Variants in FAM110B observed in about 807,000 individuals in gnomAD.
The protein encoded by FAM110B is protein FAM110B.
In FAM110B, 6 loss-of-function variants were observed where a neutral mutation model predicts 20.4. The observed-to-expected ratio is 0.29, with a 90% CI of 0.16 to 0.58. The LOEUF (loss-of-function observed/expected upper bound fraction) is 0.58. Ranked by LOEUF, FAM110B falls within the 20% of genes least tolerant of loss-of-function variation. The probability of loss-of-function intolerance (pLI) is 0.90; values close to 1 mark genes in which losing one functional copy is unlikely to be tolerated. For synonymous variants in FAM110B, 226 were observed against 214.1 expected (o/e 1.06, Z -0.49); for missense variants, 434 against 498.2 (o/e 0.87, Z 1.23).
intron 1 of FAM110B, among the ~76,000 whole-genome samples, chr8:58,028,081 G>A (rs559425860): frequency 9.9e-5 from 15 of 152,166 alleles, no homozygotes; most frequent in Non-Finnish European, 1.9e-4. Flanking sequence ...GGAGAACCAA[G>A]TTGTTTCATA....
intron 1 of FAM110B, among the ~76,000 whole-genome samples, chr8:58,001,214 T>C (rs1804287936): frequency 6.6e-6 from 1 of 152,236 alleles, no homozygotes; most frequent in Non-Finnish European, 1.5e-5. Flanking sequence ...TGGAGAGTAG[T>C]ACAGTCATAT....
At chr8:58,052,535 G>A (rs1424512324) in intron 2 of FAM110B, among the ~76,000 whole-genome samples, 1 of 152,048 alleles carries the variant, frequency 6.6e-6, no homozygotes, top group Non-Finnish European at 1.5e-5. Context: ...TTCTGTCCTT[G>A]TGAGGCTTAT....
At chr8:58,040,079 T>C (rs770621700) in intron 2 of FAM110B, among the ~76,000 whole-genome samples, 2 of 152,212 alleles carry the variant, frequency 1.3e-5, no homozygotes, top group Non-Finnish European at 1.5e-5. Context: ...CTTGAACTCC[T>C]GACCTCAGGC....
In FAM110B at chr8:58,004,787, C is replaced by A. The variant is rs527459686; in HGVS notation, c.-512+9981C>A. On this transcript the variant is annotated intron_variant, in intron 1 of 3. Transcript: ENST00000519262. ...TCATGAACCAACGTCTGCTAGCTTT[C>A]AATTATTCCTTTGCAGCTCTGTCAT... 7.2e-5 allele frequency among the ~76,000 whole-genome samples: 11 copies of A among 152,278 alleles called. No individual in the cohort carries two copies. The East Asian group carries it at 2.1e-3, about 29-fold the overall frequency.
intron 3 of FAM110B, among the ~76,000 whole-genome samples, chr8:58,133,205 G>GTT (rs59489059): frequency 0.017 from 2,403 of 140,050 alleles, 59 homozygotes; most frequent in African/African-American, 0.054. Context: ...GCTCGATTTT[G>GTT]TTTTTTTTTT....
intron 2 of FAM110B, among the ~76,000 whole-genome samples, chr8:58,047,480 A>G (rs1303323433): frequency 6.6e-6 from 1 of 152,080 alleles, no homozygotes; most frequent in Non-Finnish European, 1.5e-5. Context: ...GCACCATCAC[A>G]GTCTCCAACC....
intron 2 of FAM110B, among the ~76,000 whole-genome samples, chr8:58,059,234 T>C (rs1309453498): frequency 6.6e-6 from 1 of 152,204 alleles, no homozygotes; most frequent in Non-Finnish European, 1.5e-5. Flanking sequence ...TTGAATAAAG[T>C]TGCTGTAAAT....
chr8:58,008,784 A>G (rs1804466982), intron 1 of FAM110B, among the ~76,000 whole-genome samples: 1 of 152,160 alleles, frequency 6.6e-6, no homozygotes, highest in African/African-American at 2.4e-5. Flanking sequence ...TGAGTGGGAG[A>G]GGCCTCCACA....
intron 1 of FAM110B, among the ~76,000 whole-genome samples, chr8:58,030,855 C>G (rs962304248): frequency 8.5e-5 from 13 of 152,190 alleles, no homozygotes; most frequent in Non-Finnish European, 1.6e-4. Flanking sequence ...CCATCACTTT[C>G]ATGACTCGTC....
chr8:58,118,141 A>G (rs937092494), intron 3 of FAM110B, among the ~76,000 whole-genome samples: 3 of 152,230 alleles, frequency 2.0e-5, no homozygotes, highest in African/African-American at 7.2e-5. Context: ...CTTTATTGAT[A>G]ATAATGCTAT....
chr8:57,999,821 G>T (rs559386018), intron 1 of FAM110B, among the ~76,000 whole-genome samples: 4 of 152,150 alleles, frequency 2.6e-5, no homozygotes, highest in African/African-American at 9.7e-5. Flanking sequence ...ATCTGGGCTT[G>T]GTGGTCTGGG....
At chr8:58,104,842 C>T (rs1806869781) in intron 3 of FAM110B, among the ~76,000 whole-genome samples, 1 of 151,810 alleles carries the variant, frequency 6.6e-6, no homozygotes, top group African/African-American at 2.4e-5. Flanking sequence ...TGGAGAAAAC[C>T]AGAAGTCCAC....
chr8:58,047,138 A>G (rs1254473980), intron 2 of FAM110B, among the ~76,000 whole-genome samples: 3 of 152,232 alleles, frequency 2.0e-5, no homozygotes, highest in African/African-American at 7.2e-5. Flanking sequence ...GATTAGGTAG[A>G]AAATGCAAAC....
At chr8:58,019,378 G>GAA (rs1804703075) in intron 1 of FAM110B, among the ~76,000 whole-genome samples, 1 of 115,042 alleles carries the variant, frequency 8.7e-6, no homozygotes, top group South Asian at 3.0e-4. Flanking sequence ...AAGAAAGAAA[G>GAA]AAAAGAAAAG....
intron 2 of FAM110B, among the ~76,000 whole-genome samples, chr8:58,073,839 A>G (rs1805964176): frequency 1.3e-5 from 2 of 152,226 alleles, no homozygotes; most frequent in Admixed American, 1.3e-4. Context: ...CCTTGAAGGC[A>G]TCTGCTTTTG....
intron 3 of FAM110B, among the ~76,000 whole-genome samples, chr8:58,096,967 C>T (rs1018116357): frequency 2.6e-5 from 4 of 152,074 alleles, no homozygotes; most frequent in Admixed American, 2.0e-4. Flanking sequence ...CTCTGGCTGC[C>T]CTTATCATTT....
intron 2 of FAM110B, among the ~76,000 whole-genome samples, chr8:58,048,586 T>C (rs562792358): frequency 1.0e-3 from 157 of 152,320 alleles, no homozygotes; most frequent in African/African-American, 3.5e-3. Context: ...GATAGTTCTT[T>C]GGGGTGTTTT....
intron 3 of FAM110B, among the ~76,000 whole-genome samples, chr8:58,104,962 GAAA>G (rs374878667): frequency 2.4e-5 from 3 of 126,078 alleles, no homozygotes; most frequent in Non-Finnish European, 1.7e-5. Context: ...TTCTTTAAAG[GAAA>G]AAAAAAAAAA....
intron 3 of FAM110B, among the ~76,000 whole-genome samples, chr8:58,133,991 G>T (rs1289488986): frequency 6.6e-6 from 1 of 152,216 alleles, no homozygotes; most frequent in African/African-American, 2.4e-5. Flanking sequence ...GCTTGAAAAT[G>T]ATTTTATGTA....
Sources: gnomAD v4.1 joint callset for allele counts (sites outside exome capture counted in the v4.1 genomes callset) on GRCh38, gnomAD v4.1.1 for gene constraint, MANE v1.5 for transcripts, NCBI Gene and HGNC (gene_info 2026-07-23, HGNC 2026-07-21) for gene names.